The following NCAM2 variants were observed in gnomAD, a reference collection of about 807,000 sequenced individuals.
NCAM2 encodes N-CAM-2.
NCAM2 carries 30 observed loss-of-function variants against 98.1 expected under a neutral mutation model. The observed-to-expected ratio is 0.31, with a 90% CI of 0.23 to 0.41. The LOEUF (loss-of-function observed/expected upper bound fraction) is 0.41. Among genes scored for constraint, NCAM2 ranks in the 10% least tolerant of loss-of-function variants. The pLI is 1.00. For synonymous variants in NCAM2, 368 were observed against 342.4 expected, an observed-to-expected ratio of 1.07 and a Z score of -0.83; for missense variants, 867 against 1,005.8, an observed-to-expected ratio of 0.86 and a Z score of 1.87.
chr21:21,073,545 A>G (rs528933472), intron 1 of NCAM2, among the ~76,000 whole-genome samples: 1 of 152,324 alleles, frequency 6.6e-6, no homozygotes, highest in Non-Finnish European at 1.5e-5. Context: ...CTCATAACAC[A>G]TTCAGTGCAT....
chr21:21,165,235 T>TA (rs1249181961), intron 1 of NCAM2, among the ~76,000 whole-genome samples: 14 of 152,124 alleles, frequency 9.2e-5, no homozygotes. Flanking sequence ...CACACTTAAT[T>TA]TTCCCCTAAA....
At chr21:21,115,643 T>A (rs1387685541) in intron 1 of NCAM2, among the ~76,000 whole-genome samples, 2 of 152,216 alleles carry the variant, frequency 1.3e-5, no homozygotes, top group Non-Finnish European at 2.9e-5. Flanking sequence ...AAGAAAAATT[T>A]CTCTAAAATA....
chr21:21,202,058 C>T (rs563694652), intron 1 of NCAM2, among the ~76,000 whole-genome samples: 190 of 152,194 alleles, frequency 1.2e-3, no homozygotes, highest in African/African-American at 4.3e-3. Flanking sequence ...GAAGCACAAG[C>T]CTTACAGGAC....
chr21:21,439,192 C>A (rs972953332), intron 12 of NCAM2, among the ~76,000 whole-genome samples: 1 of 151,492 alleles, frequency 6.6e-6, no homozygotes, highest in Non-Finnish European at 1.5e-5. Flanking sequence ...AATCATAGCT[C>A]ACTACAACCT....
At chr21:21,333,728 A>T (rs1202506490) in intron 6 of NCAM2, among the ~76,000 whole-genome samples, 1 of 152,058 alleles carries the variant, frequency 6.6e-6, no homozygotes, top group Non-Finnish European at 1.5e-5. Context: ...TTATGGGCTA[A>T]TTGTGAGTGC....
At position 21,538,128 on chromosome 21, in the gene NCAM2, T is replaced by A. The variant is rs1216962998; in HGVS notation, c.*171T>A. 2.6e-6 allele frequency: 1 copy of A among 387,268 alleles called. No individual in the cohort carries two copies. Among genetic ancestry groups the A allele is most frequent in the African/African-American group, 2.1e-5 (1 of 48,036 alleles). 24.0% of individuals were successfully genotyped at this position (387,268 alleles called of 1,614,324 possible). ...CCTGCCCATGATCCATTCCCTTTTG[T>A]TATTGTTGTTGTTGTTGCTGTTGTT... On this transcript the variant is annotated 3_prime_UTR_variant, in exon 18 of 18. Transcript: ENST00000400546.
chr21:21,189,115 G>T (rs562421501), intron 1 of NCAM2, among the ~76,000 whole-genome samples: 1 of 152,270 alleles, frequency 6.6e-6, no homozygotes, highest in East Asian at 1.9e-4. Context: ...TTGTACAAAT[G>T]AGTAGTAAAG....
At chr21:21,406,555 G>T (rs1375707608) in intron 9 of NCAM2, among the ~76,000 whole-genome samples, 1 of 152,134 alleles carries the variant, frequency 6.6e-6, no homozygotes, top group Non-Finnish European at 1.5e-5. Flanking sequence ...GGGTGTCTGT[G>T]TCACTTTCTT....
At chr21:21,179,129 A>T (rs747612781) in intron 1 of NCAM2, among the ~76,000 whole-genome samples, 2 of 152,144 alleles carry the variant, frequency 1.3e-5, no homozygotes, top group Non-Finnish European at 2.9e-5. Context: ...AATGAATTTA[A>T]GGTTAGGAGA....
chr21:21,526,247 G>T (rs1569139132), intron 16 of NCAM2, among the ~76,000 whole-genome samples: 2 of 151,878 alleles, frequency 1.3e-5, no homozygotes, highest in Non-Finnish European at 2.9e-5. Flanking sequence ...AAACACCTGG[G>T]TATAGTCAAT....
At chr21:21,407,262 T>A (rs2076759009) in intron 9 of NCAM2, among the ~76,000 whole-genome samples, 1 of 152,228 alleles carries the variant, frequency 6.6e-6, no homozygotes, top group African/African-American at 2.4e-5. Flanking sequence ...ACAAAGCATA[T>A]CCTGTATAGA....
chr21:21,015,153 T>C (rs2064282671), intron 1 of NCAM2, among the ~76,000 whole-genome samples: 2 of 152,240 alleles, frequency 1.3e-5, no homozygotes, highest in African/African-American at 4.8e-5. Flanking sequence ...TGAACCTTAT[T>C]GAAATATAAA....
chr21:21,221,227 C>CT (rs202093681), intron 1 of NCAM2, among the ~76,000 whole-genome samples: 152,249 of 152,252 alleles, frequency 1, 76,123 homozygotes, highest in East Asian at 1. Context: ...TTCTCTGGCT[C>CT]CCCTATTCTC....
intron 15 of NCAM2, among the ~76,000 whole-genome samples, chr21:21,500,513 C>G (rs888701241): frequency 2.1e-5 from 3 of 145,990 alleles, no homozygotes; most frequent in South Asian, 4.3e-4. Flanking sequence ...AATTTTATAA[C>G]TTGCGTAAAT....
chr21:21,434,442 G>T (rs2077424875), intron 12 of NCAM2, among the ~76,000 whole-genome samples: 1 of 152,170 alleles, frequency 6.6e-6, no homozygotes, highest in African/African-American at 2.4e-5. Context: ...GACAGCATTA[G>T]TACTTTTTTC....
chr21:21,246,113 T>C (rs1011151772), intron 1 of NCAM2, among the ~76,000 whole-genome samples: 1 of 152,192 alleles, frequency 6.6e-6, no homozygotes, highest in Non-Finnish European at 1.5e-5. Context: ...CCTCCCTTGC[T>C]GTCTCTTGGA....
chr21:21,535,912 C>G (rs1989957058), intron 17 of NCAM2, among the ~76,000 whole-genome samples: 1 of 152,044 alleles, frequency 6.6e-6, no homozygotes, highest in South Asian at 2.1e-4. Flanking sequence ...CAGAAACAAA[C>G]TATCAATTTG....
At chr21:21,226,576 TA>T (rs2070391978) in intron 1 of NCAM2, 1 of 152,076 alleles carries the variant, frequency 6.6e-6, no homozygotes, top group Non-Finnish European at 1.5e-5. Context: ...GAACTAAAAA[TA>T]TATAAAGTAC....
At chr21:21,015,951 G>A (rs560265781) in intron 1 of NCAM2, among the ~76,000 whole-genome samples, 4 of 151,888 alleles carry the variant, frequency 2.6e-5, no homozygotes, top group South Asian at 2.1e-4. Context: ...CAGGTAATCC[G>A]CCCACTTCGG....
Sources: gnomAD v4.1 joint callset for allele counts (sites outside exome capture counted in the v4.1 genomes callset) on GRCh38, gnomAD v4.1.1 for gene constraint, MANE v1.5 for transcripts, NCBI Gene and HGNC (gene_info 2026-07-23, HGNC 2026-07-21) for gene names.